ANK2: variants seen among roughly 807,000 people sequenced by gnomAD.
ANK2 encodes the protein ankyrin 2, also known as ankyrin-2.
A neutral mutation model predicts 360.5 loss-of-function variants in ANK2; 83 were observed. That is an observed-to-expected ratio of 0.23 (90% CI 0.19 to 0.28). The LOEUF is 0.28. ANK2 is among the 10% of genes least tolerant of loss of function. The pLI is 1.00. For missense variants in ANK2, 4,201 were observed against 4,795.7 expected, an observed-to-expected ratio of 0.88 and a Z score of 3.66; for synonymous variants, 1,740 against 1,759.5, an observed-to-expected ratio of 0.99 and a Z score of 0.28.
At chr4:113,097,494 T>C (rs116477698) in intron 1 of ANK2, among the ~76,000 whole-genome samples, 1,990 of 152,184 alleles carry the variant, frequency 0.013, 25 homozygotes, top group Non-Finnish European at 0.019. Context: ...GTGTGTTTTC[T>C]TATCAAAGAT....
chr4:113,323,896 A>AAGAT (rs1271627911), intron 26 of ANK2: 2 of 1,052,080 alleles, frequency 1.9e-6, no homozygotes, highest in African/African-American at 3.2e-5. Context: ...CTTTAGTGTG[A>AAGAT]AGATACCTAG....
At chr4:112,849,982 C>T (rs889156550) in intron 1 of ANK2, among the ~76,000 whole-genome samples, 1 of 152,146 alleles carries the variant, frequency 6.6e-6, no homozygotes, top group Non-Finnish European at 1.5e-5. Context: ...GGTGAATTCT[C>T]TTCTTGAGCT....
At chr4:112,926,356 G>T (rs922125118) in intron 2 of ANK2, among the ~76,000 whole-genome samples, 4 of 152,148 alleles carry the variant, frequency 2.6e-5, no homozygotes, top group Non-Finnish European at 5.9e-5. Context: ...TAATAAAAAA[G>T]ATCTTTTCCT....
chr4:113,074,997 G>T (rs1413625306), intron 1 of ANK2, among the ~76,000 whole-genome samples: 1 of 152,132 alleles, frequency 6.6e-6, no homozygotes, highest in Non-Finnish European at 1.5e-5. Flanking sequence ...CTATTTGATT[G>T]TGTGGTCCTC....
intron 1 of ANK2, among the ~76,000 whole-genome samples, chr4:113,133,425 A>T (rs1422508177): frequency 1.3e-5 from 2 of 152,078 alleles, no homozygotes; most frequent in East Asian, 3.9e-4. Context: ...AGGGGAAGAA[A>T]ATTATGCTTG....
At chr4:112,830,816 T>G (rs1242750427) in intron 1 of ANK2, among the ~76,000 whole-genome samples, 3 of 152,012 alleles carry the variant, frequency 2.0e-5, no homozygotes, top group Admixed American at 6.5e-5. Flanking sequence ...GGGAGAGGCG[T>G]GGGCAGGAAC....
At chr4:113,246,757 A>C (rs1326398489) in intron 9 of ANK2, among the ~76,000 whole-genome samples, 1 of 152,164 alleles carries the variant, frequency 6.6e-6, no homozygotes, top group Non-Finnish European at 1.5e-5. Context: ...AATGGTTTTC[A>C]ATTGTCATAT....
At chr4:112,785,981 C>T in the ANK2 span, among the ~76,000 whole-genome samples, 1 of 151,978 alleles carries the variant, frequency 6.6e-6, no homozygotes, top group Non-Finnish European at 1.5e-5. Flanking sequence ...GCTGGGATTA[C>T]AGGCACGTGC....
chr4:113,376,867 C>T (rs937262132), intron 45 of ANK2, among the ~76,000 whole-genome samples: 10 of 136,106 alleles, frequency 7.3e-5, no homozygotes, highest in South Asian at 2.5e-4. Context: ...TAGGCCTACA[C>T]AAGGTCAGAA....
rs534009712 is a variant in ANK2, at chr4:113,021,499, ATATAT to A, written c.21+116989_21+116993del. On this transcript the variant is annotated intron_variant, in intron 2 of 30. Coordinates refer to the ANK2 transcript ENST00000503271. ...TAAGTACGTATGTGTATGTGTATGT[ATATAT>A]TATGTGTATATATACACACACACAC... 2.8e-4 allele frequency among the ~76,000 whole-genome samples: 36 copies of A among 129,762 alleles called. 1 individual carries two copies. In the East Asian group the frequency reaches 4.0e-3, roughly 14 times the overall value. 85.1% of individuals were successfully genotyped at this position (129,762 alleles called of 152,430 possible).
At chr4:113,171,788 G>A (rs967643682) in intron 1 of ANK2, among the ~76,000 whole-genome samples, 35 of 152,068 alleles carry the variant, frequency 2.3e-4, no homozygotes, top group African/African-American at 7.5e-4. Flanking sequence ...ACTCTATAAC[G>A]GCAAAAGCAA....
chr4:112,955,365 C>T (rs749921911), intron 2 of ANK2, among the ~76,000 whole-genome samples: 6 of 152,016 alleles, frequency 3.9e-5, no homozygotes, highest in African/African-American at 1.2e-4. Flanking sequence ...AGATTATGCT[C>T]GAGGCAAAAG....
At chr4:113,152,814 A>G (rs931696431) in intron 1 of ANK2, among the ~76,000 whole-genome samples, 4 of 151,516 alleles carry the variant, frequency 2.6e-5, no homozygotes, top group African/African-American at 9.7e-5. Context: ...GCTGGGAGGA[A>G]CTCTTCAGGC....
At chr4:113,194,104 A>G (rs371738582) in intron 2 of ANK2, among the ~76,000 whole-genome samples, 114 of 152,298 alleles carry the variant, frequency 7.5e-4, no homozygotes, top group African/African-American at 2.6e-3. Context: ...TGTGTCCTTT[A>G]CTTCTCCCTT....
At position 113,310,007 on chromosome 4, in the gene ANK2, G is replaced by C. The variant is rs1326904782; in HGVS notation, c.2549-1248G>C. 3.3e-5 allele frequency among the ~76,000 whole-genome samples: 5 copies of C among 152,180 alleles called. No individual in the cohort carries two copies. In the East Asian group the frequency reaches 5.8e-4, roughly 18 times the overall value. On this transcript the variant is annotated intron_variant, in intron 23 of 45. Coordinates refer to ENST00000357077, the MANE Select transcript of ANK2 (RefSeq NM_001148.6). ...TCAAATGCTGTGTCTTGCTCCTTCA[G>C]ATGTAGAGTCATTCCAGCCAGACTC...
chr4:112,842,196 A>T (rs1343513328), intron 1 of ANK2, among the ~76,000 whole-genome samples: 1 of 152,062 alleles, frequency 6.6e-6, no homozygotes, highest in African/African-American at 2.4e-5. Flanking sequence ...TTTAGTAGAG[A>T]TGGGGGTTTC....
intron 1 of ANK2, chr4:113,070,146 A>G (rs890921462): frequency 3.9e-5 from 6 of 152,138 alleles, no homozygotes; most frequent in African/African-American, 1.2e-4. Context: ...TCTCCGCTCC[A>G]TGCCTTTCTG....
intron 1 of ANK2, among the ~76,000 whole-genome samples, chr4:113,086,834 G>T (rs1205775697): frequency 2.0e-5 from 3 of 152,256 alleles, no homozygotes; most frequent in South Asian, 2.1e-4. Flanking sequence ...AGTATATAAT[G>T]CCTGGGAAGG....
chr4:113,185,587 T>C (rs186907847), intron 2 of ANK2, among the ~76,000 whole-genome samples: 8 of 152,362 alleles, frequency 5.3e-5, no homozygotes, highest in South Asian at 2.1e-4. Context: ...TTTGTTTAAG[T>C]TTCTTGTAGA....
Sources: allele counts gnomAD v4.1 joint callset (sites outside exome capture counted in the v4.1 genomes callset), GRCh38; gene constraint gnomAD v4.1.1; transcripts MANE v1.5; gene names NCBI Gene and HGNC (gene_info 2026-07-23, HGNC 2026-07-21).